HERC2: variants seen among roughly 807,000 people sequenced by gnomAD.
HERC2 encodes the protein E3 ubiquitin-protein ligase HERC2.
In HERC2, 102 loss-of-function variants were observed where a neutral mutation model predicts 537.7. That is an observed-to-expected ratio of 0.19 (90% CI 0.16 to 0.22). The LOEUF (loss-of-function observed/expected upper bound fraction) is 0.22. Ranked by LOEUF, HERC2 falls within the 10% of genes least tolerant of loss-of-function variation. The pLI is 1.00. For missense variants in HERC2, 4,236 were observed against 6,198.2 expected (o/e 0.68, Z 10.63); for synonymous variants, 2,224 against 2,466.2 (o/e 0.90, Z 2.91).
intron 83 of HERC2, among the ~76,000 whole-genome samples, chr15:28,128,422 A>C (rs1313192159): frequency 1.3e-5 from 2 of 152,218 alleles, no homozygotes; most frequent in East Asian, 3.9e-4. Context: ...TGTACTTCCA[A>C]CTGGTTTGCT....
chr15:28,315,628 A>C, intron 2 of HERC2: 1 of 551,024 alleles, frequency 1.8e-6, no homozygotes, highest in Admixed American at 2.2e-5. Flanking sequence ...CCCCATCTCT[A>C]CTAAAAATAT....
At chr15:28,212,301 T>A (rs929933462) in intron 43 of HERC2, 144 bp downstream of exon 43, 1 of 723,962 alleles carries the variant, frequency 1.4e-6, no homozygotes, top group African/African-American at 1.8e-5. Context: ...CAGGGTTACA[T>A]TCCCAACCGC....
intron 2 of HERC2, among the ~76,000 whole-genome samples, chr15:28,318,409 T>C (rs2077147069): frequency 6.6e-6 from 1 of 152,146 alleles, no homozygotes; most frequent in Non-Finnish European, 1.5e-5. Flanking sequence ...GGTGGATCAC[T>C]TGAGGTCAGG....
intron 38 of HERC2, among the ~76,000 whole-genome samples, chr15:28,217,903 A>G (rs1444195017): frequency 6.6e-6 from 1 of 151,998 alleles, no homozygotes; most frequent in Non-Finnish European, 1.5e-5. Flanking sequence ...AGCCTGTGGA[A>G]GAAGCATGGC....
At chr15:28,207,356 G>C (rs916769169) in intron 44 of HERC2, among the ~76,000 whole-genome samples, 1 of 152,038 alleles carries the variant, frequency 6.6e-6, no homozygotes, top group East Asian at 1.9e-4. Flanking sequence ...GGCTGGTCTC[G>C]AACTCCTGAC....
At chr15:28,116,130 C>A (rs1888213808) in intron 88 of HERC2, among the ~76,000 whole-genome samples, 2 of 152,346 alleles carry the variant, frequency 1.3e-5, no homozygotes, top group African/African-American at 4.8e-5. Flanking sequence ...CACCGTCAGG[C>A]CCTCAATGCT....
At chr15:28,274,214 T>C in intron 7 of HERC2, 77 bp downstream of exon 7, 1 of 1,503,386 alleles carries the variant, frequency 6.7e-7, no homozygotes. Context: ...TTCTTAGCTC[T>C]AAAGCAAGGG....
intron 35 of HERC2, among the ~76,000 whole-genome samples, chr15:28,224,176 G>GAGAA (rs1900850974): frequency 1.1e-5 from 1 of 94,150 alleles, no homozygotes; most frequent in Admixed American, 9.9e-5. Context: ...CAGAGAGAGA[G>GAGAA]AGAAACAGAC....
At position 28,198,682 on chromosome 15, in the gene HERC2, A is replaced by C. The variant is rs1322955928; in HGVS notation, c.7804T>G (p.Leu2602Val). 1 of 1,614,104 alleles carries C rather than the reference A, an allele frequency of 6.2e-7. No homozygotes were observed. Among genetic ancestry groups the C allele is most frequent in the East Asian group, 2.2e-5 (1 of 44,876 alleles). ...GKVIKLDRDG[L>V]HDLNVQCDWQ... is the part of the protein sequence containing the mutation. ...TCACACTGCACATTGAGATCATGCA[A>C]TCCATCTCTGTCCAGCTTGATGACT... is the stretch of plus-strand genomic sequence containing the variant. Residue 2602 changes from leucine to valine, a missense_variant, in exon 49 of 93, where the codon TTG becomes GTG. Physicochemically the swap from Leu to Val is conservative, Grantham distance 32. Around this residue, in one of 27 missense-constraint regions of HERC2, gnomAD observed 606 missense variants for 884.5 expected, o/e 0.69. Transcript: ENST00000261609.
intron 11 of HERC2, 140 bp downstream of exon 11, chr15:28,269,108 T>C (rs1006246623): frequency 2.8e-5 from 18 of 645,968 alleles, no homozygotes; most frequent in Middle Eastern, 4.2e-4. Context: ...ACTGAGATCA[T>C]TAAACATAAT....
intron 78 of HERC2, among the ~76,000 whole-genome samples, chr15:28,137,291 G>A (rs1231175055): frequency 1.3e-5 from 2 of 152,070 alleles, no homozygotes; most frequent in Non-Finnish European, 1.5e-5. Context: ...CCTCTGATAC[G>A]GTTCACAATG....
chr15:28,289,155 C>T (rs1457863938), intron 4 of HERC2, among the ~76,000 whole-genome samples: 2 of 151,990 alleles, frequency 1.3e-5, no homozygotes, highest in Non-Finnish European at 2.9e-5. Context: ...AAATAAAAAA[C>T]AGAGGTTGCC....
intron 86 of HERC2, among the ~76,000 whole-genome samples, chr15:28,121,014 T>C (rs959743317): frequency 1.3e-5 from 2 of 152,194 alleles, no homozygotes; most frequent in African/African-American, 2.4e-5. Flanking sequence ...CTGTAACAAA[T>C]AGACACACAC....
intron 5 of HERC2, among the ~76,000 whole-genome samples, chr15:28,279,844 A>G (rs1490337486): frequency 6.6e-6 from 1 of 152,150 alleles, no homozygotes; most frequent in African/African-American, 2.4e-5. Flanking sequence ...ATTTTATTGA[A>G]TAAAATAAAA....
intron 78 of HERC2, among the ~76,000 whole-genome samples, chr15:28,141,148 G>C (rs1284914783): frequency 6.6e-6 from 1 of 151,914 alleles, no homozygotes; most frequent in Non-Finnish European, 1.5e-5. Context: ...TGAGGCAGGA[G>C]AATCACTTGA....
At chr15:28,228,576 C>G (rs1380198605) in intron 34 of HERC2, among the ~76,000 whole-genome samples, 167 bp from the exon 35 acceptor site, 1 of 152,176 alleles carries the variant, frequency 6.6e-6, no homozygotes, top group East Asian at 1.9e-4. Flanking sequence ...CGGGCGATTA[C>G]TCTAAACATC....
rs868255452 is a variant in HERC2, at chr15:28,142,339, C to T, written c.11599G>A (p.Glu3867Lys). Residue 3867 changes from glutamate (E) to lysine (K), a missense_variant, in exon 76 of 93, where the codon GAG becomes AAG. Glu to Lys is a moderately conservative substitution (Grantham distance 56). This residue lies in a region of HERC2 where 156 missense variants were observed against 172.3 expected (regional missense o/e 0.91). Transcript: ENST00000261609. ...CGGAACCAGGCCCACTTGTGCGTCT[C>T]GGCACAGCAAGGCAGAGTGTCCAGC... Reference protein sequence around the residue: ...LELDTLPCCAETHKWAWFRRY... With the variant: ...LELDTLPCCAKTHKWAWFRRY... 8 of 1,613,976 alleles carry T rather than the reference C, an allele frequency of 5.0e-6. No individual in the cohort carries two copies. Among genetic ancestry groups the T allele is most frequent in the African/African-American group, 4.0e-5 (3 of 74,936 alleles).
At chr15:28,249,978 A>G (rs747755299) in intron 20 of HERC2, among the ~76,000 whole-genome samples, 3 of 152,088 alleles carry the variant, frequency 2.0e-5, no homozygotes, top group Non-Finnish European at 2.9e-5. Context: ...TCTTATGTCA[A>G]TGTGAAAGCA....
At chr15:28,151,093 C>A (rs1045077584) in intron 70 of HERC2, among the ~76,000 whole-genome samples, 7 of 152,122 alleles carry the variant, frequency 4.6e-5, no homozygotes, top group African/African-American at 9.7e-5. Flanking sequence ...AGGGCATATT[C>A]TAAGATTTTT....
Sources: gnomAD v4.1 joint callset for allele counts (sites outside exome capture counted in the v4.1 genomes callset) on GRCh38, gnomAD v4.1.1 for gene constraint, gnomAD v4.1.1 regional missense constraint, MANE v1.5 for transcripts, NCBI Gene and HGNC (gene_info 2026-07-23, HGNC 2026-07-21) for gene names.